Variants in SPIDR observed in about 807,000 individuals in gnomAD.
The protein encoded by SPIDR is scaffold protein involved in DNA repair.
SPIDR carries 93 observed loss-of-function variants against 104.6 expected under a neutral mutation model. The observed-to-expected ratio is 0.89, with a 90% CI of 0.75 to 1.06. SPIDR has a LOEUF of 1.06. Among genes scored for constraint, SPIDR ranks in the 50% least tolerant of loss-of-function variants. The probability of loss-of-function intolerance (pLI) is 0.00; values close to 1 mark genes in which losing one functional copy is unlikely to be tolerated. For synonymous variants in SPIDR, 431 were observed against 416.9 expected, an observed-to-expected ratio of 1.03 and a Z score of -0.41; for missense variants, 1,154 against 1,111.2, an observed-to-expected ratio of 1.04 and a Z score of -0.55.
rs142371805 is a variant in SPIDR at position 47,503,714 on chromosome 8, A to G, written c.1097+63172A>G. ...GGTTATTTTGCTCATTAGTTAATGC[A>G]TTTTCTTCCTACCATCTATAGTCTT... On this transcript the variant is annotated intron_variant, in intron 8 of 19. Coordinates refer to ENST00000297423, the MANE Select transcript of SPIDR (RefSeq NM_001080394.4). Among the ~76,000 whole-genome samples, 1,378 of 152,058 alleles carry G rather than the reference A, an allele frequency of 9.1e-3. 17 individuals are homozygous for G. The highest frequency in any genetic ancestry group is 0.014 in the Middle Eastern group (4 of 294).
rs551530706 is a variant in SPIDR, at chr8:47,674,660, C to T, written c.1685+719C>T. ...AATTATAGTAACATCTGAGCTATAA[C>T]AGTATCGGAAGGAGGAAAAGTCCAG... On this transcript the variant is annotated intron_variant, in intron 11 of 19. Coordinates refer to ENST00000297423, the MANE Select transcript of SPIDR (RefSeq NM_001080394.4). 2.6e-5 allele frequency among the ~76,000 whole-genome samples: 4 copies of T among 152,300 alleles called. No individual in the cohort carries two copies. In the East Asian group the frequency reaches 7.7e-4, roughly 29 times the overall value.
At chr8:47,452,344 C>T (rs2071968542) in intron 8 of SPIDR, among the ~76,000 whole-genome samples, 1 of 152,182 alleles carries the variant, frequency 6.6e-6, no homozygotes, top group Non-Finnish European at 1.5e-5. Context: ...CTGAAAGAAT[C>T]TTCCCTAACT....
At chr8:47,710,545 C>T (rs760423935) in intron 14 of SPIDR, among the ~76,000 whole-genome samples, 5 of 151,696 alleles carry the variant, frequency 3.3e-5, no homozygotes, top group Admixed American at 6.6e-5. Flanking sequence ...CTCAGCTCAC[C>T]GCAACCTCTG....
chr8:47,331,057 A>G (rs1465987830), intron 5 of SPIDR, among the ~76,000 whole-genome samples: 3 of 152,194 alleles, frequency 2.0e-5, no homozygotes, highest in African/African-American at 2.4e-5. Context: ...TAAGTATGTC[A>G]TGATATCTCA....
intron 7 of SPIDR, among the ~76,000 whole-genome samples, chr8:47,433,297 T>A (rs1585627408): frequency 6.6e-6 from 1 of 152,188 alleles, no homozygotes; most frequent in African/African-American, 2.4e-5. Context: ...CTTCCCTACT[T>A]AATCCCTTGT....
chr8:47,556,783 T>G (rs941423804), intron 8 of SPIDR, among the ~76,000 whole-genome samples: 5 of 152,070 alleles, frequency 3.3e-5, no homozygotes, highest in Non-Finnish European at 5.9e-5. Context: ...TTTAAATTTT[T>G]GATAGAGAAG....
intron 10 of SPIDR, among the ~76,000 whole-genome samples, chr8:47,637,691 TGTC>T (rs1364892596): frequency 6.6e-6 from 1 of 152,242 alleles, no homozygotes; most frequent in Non-Finnish European, 1.5e-5. Context: ...GTTTTCATCA[TGTC>T]GTATCCAGTG....
intron 8 of SPIDR, chr8:47,546,808 A>C (rs1330196787): frequency 1.2e-5 from 3 of 249,860 alleles, no homozygotes; most frequent in Non-Finnish European, 2.4e-5. Flanking sequence ...CATGTCACCT[A>C]CTGCTGTGTT....
At chr8:47,678,982 C>A (rs68187898) in intron 11 of SPIDR, among the ~76,000 whole-genome samples, 6,894 of 152,250 alleles carry the variant, frequency 0.045, 250 homozygotes, top group Middle Eastern at 0.13. Context: ...GCCCTGCTAG[C>A]CTCTGCACTA....
intron 5 of SPIDR, among the ~76,000 whole-genome samples, chr8:47,356,222 A>G (rs1353581772): frequency 1.3e-5 from 2 of 152,226 alleles, no homozygotes; most frequent in African/African-American, 4.8e-5. Context: ...TGAAAATAGA[A>G]TTGGTGATAT....
At chr8:47,599,572 A>G (rs1382318322) in intron 10 of SPIDR, among the ~76,000 whole-genome samples, 2 of 152,192 alleles carry the variant, frequency 1.3e-5, no homozygotes, top group East Asian at 1.9e-4. Context: ...TGAGTAAATA[A>G]TGGCAATTGG....
chr8:47,603,568 T>G (rs1329117262), intron 10 of SPIDR, among the ~76,000 whole-genome samples: 1 of 151,478 alleles, frequency 6.6e-6, no homozygotes, highest in Non-Finnish European at 1.5e-5. Flanking sequence ...AATTTTTTTT[T>G]TTTTTTTTTG....
At chr8:47,709,996 G>A (rs533468526) in intron 14 of SPIDR, among the ~76,000 whole-genome samples, 1 of 150,916 alleles carries the variant, frequency 6.6e-6, no homozygotes, top group Non-Finnish European at 1.5e-5. Context: ...TCATGCCTCA[G>A]CCTCCAGAGG....
chr8:47,288,879 C>A (rs372095843), intron 3 of SPIDR, among the ~76,000 whole-genome samples: 1 of 152,134 alleles, frequency 6.6e-6, no homozygotes, highest in Non-Finnish European at 1.5e-5. Flanking sequence ...TTTTCCTGAT[C>A]GATGCAAAGT....
At chr8:47,446,743 C>G (rs566485601) in intron 8 of SPIDR, among the ~76,000 whole-genome samples, 1 of 152,096 alleles carries the variant, frequency 6.6e-6, no homozygotes, top group African/African-American at 2.4e-5. Context: ...TGCGCCACCA[C>G]GCCTGGCTAA....
At chr8:47,321,626 G>C (rs1002789844) in intron 5 of SPIDR, among the ~76,000 whole-genome samples, 45 of 152,100 alleles carry the variant, frequency 3.0e-4, no homozygotes, top group Non-Finnish European at 5.7e-4. Flanking sequence ...AAAAAGAGCC[G>C]GTATTGCCAA....
At chr8:47,441,896 G>A (rs2069518445) in intron 8 of SPIDR, among the ~76,000 whole-genome samples, 1 of 151,942 alleles carries the variant, frequency 6.6e-6, no homozygotes. Flanking sequence ...ATTATTTATT[G>A]AACATTCTGT....
At chr8:47,616,976 A>C (rs370613478) in intron 10 of SPIDR, among the ~76,000 whole-genome samples, 4 of 152,118 alleles carry the variant, frequency 2.6e-5, no homozygotes, top group Non-Finnish European at 4.4e-5. Flanking sequence ...GCTTTTTATT[A>C]CCAGGACAAT....
chr8:47,549,585 T>C (rs1318710979), intron 8 of SPIDR, among the ~76,000 whole-genome samples: 1 of 152,260 alleles, frequency 6.6e-6, no homozygotes, highest in African/African-American at 2.4e-5. Context: ...GAAGTGTCTG[T>C]TCATATCCTT....
Sources: gnomAD v4.1 joint callset for allele counts (sites outside exome capture counted in the v4.1 genomes callset) on GRCh38, gnomAD v4.1.1 for gene constraint, MANE v1.5 for transcripts, NCBI Gene and HGNC (gene_info 2026-07-23, HGNC 2026-07-21) for gene names.